KBTBD11: variants seen among roughly 807,000 people sequenced by gnomAD.
The protein encoded by KBTBD11 is kelch repeat and BTB domain-containing protein 11.
For synonymous variants in KBTBD11, 747 were observed against 499.0 expected (o/e 1.50, Z -6.63); for missense variants, 1,390 against 1,001.8 (o/e 1.39, Z -5.23).
chr8:1,984,940 A>G (rs1343543626), intron 1 of KBTBD11, among the ~76,000 whole-genome samples: 1 of 152,212 alleles, frequency 6.6e-6, no homozygotes, highest in African/African-American at 2.4e-5. Context: ...GGTGTTTCAC[A>G]GCCTGAGTCG....
intron 1 of KBTBD11, among the ~76,000 whole-genome samples, chr8:1,989,767 C>G (rs1816840047): frequency 6.6e-6 from 1 of 152,078 alleles, no homozygotes; most frequent in African/African-American, 2.4e-5. Flanking sequence ...CGAACCTGAC[C>G]ACAGAGTCGG....
intron 1 of KBTBD11, among the ~76,000 whole-genome samples, chr8:1,989,879 G>A (rs997772902): frequency 6.8e-6 from 1 of 146,070 alleles, no homozygotes; most frequent in South Asian, 2.2e-4. Context: ...CTGCTAATTT[G>A]TGAGGGCCAG....
In KBTBD11 at chr8:1,973,845, A is replaced by G. The variant is rs1443351863; in HGVS notation, c.-999A>G. ...GGAGAGGCCGGGCCGCGGCTCCCACAGGTGCCGGGAAGCGGCCGCGCGCAT... is the reference window on the plus strand; with the variant it reads ...GGAGAGGCCGGGCCGCGGCTCCCACGGGTGCCGGGAAGCGGCCGCGCGCAT... On this transcript the variant is annotated 5_prime_UTR_variant, in exon 1 of 2. Transcript: ENST00000320248. 7 of 982,504 alleles carry G rather than the reference A, an allele frequency of 7.1e-6. No individual in the cohort carries two copies. The South Asian group carries it at 2.8e-4, about 40-fold the overall frequency. The allele number at this position is 982,504 out of a possible 1,614,324, so 60.9% of individuals were successfully genotyped here. A position where few individuals can be genotyped will look rare whatever the true frequency, so the allele number is the denominator to read the frequency against.
Position 2,003,138 on chromosome 8 carries a change from G to A in KBTBD11, c.*74G>A. On this transcript the variant is annotated 3_prime_UTR_variant, in exon 2 of 2. Transcript: ENST00000320248. ...AGGTCCCTTTGGGCCCGCGGAGGAG[G>A]ACGTGGTGGGGAGTCGGGGCCGCTG... The A allele has an allele frequency of 8.0e-7, 1 of 1,248,810 alleles. No individual in the cohort carries two copies. The highest frequency in any genetic ancestry group is 1.6e-5 in the African/African-American group (1 of 64,350). 77.4% of individuals were successfully genotyped at this position (1,248,810 alleles called of 1,614,324 possible). A position where few individuals can be genotyped will look rare whatever the true frequency, so the allele number is the denominator to read the frequency against.
At chr8:1,984,295 T>G (rs1327649129) in intron 1 of KBTBD11, among the ~76,000 whole-genome samples, 1 of 145,534 alleles carries the variant, frequency 6.9e-6, no homozygotes, top group African/African-American at 2.6e-5. Flanking sequence ...TTTTTTTTTT[T>G]TTTTTTTTTT....
In KBTBD11 at chr8:1,983,437, C is replaced by A. The variant is rs111485522; in HGVS notation, c.-909+9502C>A. 3.0e-4 allele frequency among the ~76,000 whole-genome samples: 46 copies of A among 152,328 alleles called. 1 individual carries two copies. The highest frequency in any genetic ancestry group is 1.1e-3 in the African/African-American group (45 of 41,582). On this transcript the variant is annotated intron_variant, in intron 1 of 1. Coordinates refer to ENST00000320248, the MANE Select transcript of KBTBD11 (RefSeq NM_014867.3). ...CCTGTGCCTGCCACCGCTCCGTGACCTGACCAGGGCGCTGGGGATTGTCTC... is the reference window on the plus strand; with the variant it reads ...CCTGTGCCTGCCACCGCTCCGTGACATGACCAGGGCGCTGGGGATTGTCTC...
chr8:1,974,242 G>A (rs1003848418), intron 1 of KBTBD11: 4 of 954,008 alleles, frequency 4.2e-6, no homozygotes, highest in Admixed American at 1.2e-4. Flanking sequence ...GGGGCGTGGG[G>A]GCCTCCTCGC....
rs190012450 is a variant in KBTBD11 at position 2,003,386 on chromosome 8, G to T, written c.*322G>T. ...GGGTTCCTGAGGCAGCCTGCAGCCG[G>T]CCCCGGGGTGTCCCGAACCCCGCAG... On this transcript the variant is annotated 3_prime_UTR_variant, in exon 2 of 2. Transcript: ENST00000320248. 230 of 262,362 alleles carry T rather than the reference G, an allele frequency of 8.8e-4. No homozygotes were observed. The highest frequency in any genetic ancestry group is 4.4e-3 in the African/African-American group (198 of 44,826). The allele number at this position is 262,362 out of a possible 1,614,324, so 16.3% of individuals were successfully genotyped here.
chr8:1,989,653 G>A (rs2129312176), intron 1 of KBTBD11, among the ~76,000 whole-genome samples: 1 of 152,316 alleles, frequency 6.6e-6, no homozygotes, highest in South Asian at 2.1e-4. Context: ...CAGCTGAGGT[G>A]TCCCCTCTCT....
Position 2,002,450 on chromosome 8 carries a change from G to C in KBTBD11, c.1258G>C (p.Glu420Gln). ...LDGHLYAVGG[E>Q]CLLSVERYDP... ...CGGTCACCTCTACGCCGTGGGCGGCGAGTGCCTGCTCAGCGTGGAGCGCTA... is the reference window on the plus strand; with the variant it reads ...CGGTCACCTCTACGCCGTGGGCGGCCAGTGCCTGCTCAGCGTGGAGCGCTA... The change falls in exon 2 of 2, where the codon GAG (glutamate) becomes CAG (glutamine). Residue 420 changes from glutamate to glutamine, a missense_variant. Coordinates refer to ENST00000320248, the MANE Select transcript of KBTBD11 (RefSeq NM_014867.3). This position sits in a 1 kb window ranked among gnomAD's most constrained non-coding sequence, Gnocchi z 4.1. 4.0e-6 allele frequency: 6 copies of C among 1,506,464 alleles called. No homozygotes were observed. Among genetic ancestry groups the C allele is most frequent in the Non-Finnish European group, 5.3e-6 (6 of 1,135,068 alleles). 93.3% of individuals were successfully genotyped at this position (1,506,464 alleles called of 1,614,324 possible). A position where few individuals can be genotyped will look rare whatever the true frequency, so the allele number is the denominator to read the frequency against.
At chr8:1,974,682 C>T (rs1369176528) in intron 1 of KBTBD11, 2 of 985,336 alleles carry the variant, frequency 2.0e-6, no homozygotes, top group Non-Finnish European at 1.2e-6. Context: ...TGGGGAGACC[C>T]CCGGGCGGTC....
At position 2,001,740 on chromosome 8, in the gene KBTBD11, C is replaced by T. The variant is rs1235226059; in HGVS notation, c.548C>T (p.Ala183Val). 19 of 1,340,660 alleles carry T rather than the reference C, an allele frequency of 1.4e-5. No homozygotes were observed. The highest frequency in any genetic ancestry group is 1.1e-4 in the Admixed American group (3 of 28,032). 83.0% of individuals were successfully genotyped at this position (1,340,660 alleles called of 1,614,324 possible). Residue 183 changes from alanine to valine, a missense_variant, in exon 2 of 2, where the codon GCG becomes GTG. Coordinates refer to ENST00000320248, the MANE Select transcript of KBTBD11 (RefSeq NM_014867.3). ...VLRVQGVSLT[A>V]LRLLLADAYS... The stretch of plus-strand genomic sequence containing the variant: ...CGGGTGCAGGGAGTGAGCCTGACGG[C>T]GCTGCGGCTGCTCCTCGCCGACGCC...
Position 2,002,242 on chromosome 8 carries a change from G to T in KBTBD11, c.1050G>T (p.Arg350=). The T allele has an allele frequency of 1.6e-6, 2 of 1,286,002 alleles. No individual in the cohort carries two copies. Among genetic ancestry groups the T allele is most frequent in the South Asian group, 4.6e-5 (2 of 43,048 alleles). 79.7% of individuals were successfully genotyped at this position (1,286,002 alleles called of 1,614,324 possible). A position where few individuals can be genotyped will look rare whatever the true frequency, so the allele number is the denominator to read the frequency against. ...GGCTGCCCGAGGGCGCGCCGGCGCG[G>T]GGCTGCGGCCTGTGCGTCCTCTACA... ...LTRLPEGAPA[R]GCGLCVLYNY... is the part of the protein sequence containing the mutation. Residue 350 remains arginine, a synonymous_variant, in exon 2 of 2, where the codon CGG becomes CGT. Coordinates refer to ENST00000320248, the MANE Select transcript of KBTBD11 (RefSeq NM_014867.3). This position sits in a 1 kb window ranked among gnomAD's most constrained non-coding sequence, Gnocchi z 4.1.
Position 2,002,047 on chromosome 8 carries a change from GCGC to G in KBTBD11, c.863_865del (p.Arg288del). 1 of 1,224,252 alleles carries G rather than the reference GCGC, an allele frequency of 8.2e-7. No individual in the cohort carries two copies. Among genetic ancestry groups the G allele is most frequent in the South Asian group, 2.3e-5 (1 of 44,224 alleles). 75.8% of individuals were successfully genotyped at this position (1,224,252 alleles called of 1,614,324 possible). A position where few individuals can be genotyped will look rare whatever the true frequency, so the allele number is the denominator to read the frequency against. The stretch of plus-strand genomic sequence containing the variant: ...CGGGCGCAGAGCGGGACCTGCTGCT[GCGC>G]CGCCGCCTGCGCGCCGGCCGCGCCC... On this transcript the variant is annotated inframe_deletion, in exon 2 of 2. Coordinates refer to ENST00000320248, the MANE Select transcript of KBTBD11 (RefSeq NM_014867.3). This position sits in a 1 kb window ranked among gnomAD's most constrained non-coding sequence, Gnocchi z 4.1.
At chr8:1,974,795 A>C in intron 1 of KBTBD11, 1 of 669,542 alleles carries the variant, frequency 1.5e-6, no homozygotes, top group Non-Finnish European at 1.8e-6. Context: ...GTCCTACAAA[A>C]CCACGTTTCC....
At chr8:1,986,913 C>T (rs1457055740) in intron 1 of KBTBD11, among the ~76,000 whole-genome samples, 2 of 149,410 alleles carry the variant, frequency 1.3e-5, no homozygotes, top group Admixed American at 6.7e-5. Context: ...TGCCTCACTC[C>T]TGTAATCTCA....
chr8:2,002,899 C>T lies in KBTBD11; in HGVS notation c.1707C>T (p.Gly569=). ...CCATCTACTGCGTGAGCCGCGCGGGCACCTGGCGCTTCCAGCCTGCCCGGG... is the reference window on the plus strand; with the variant it reads ...CCATCTACTGCGTGAGCCGCGCGGGTACCTGGCGCTTCCAGCCTGCCCGGG... The part of the protein sequence containing the change: ...DGAIYCVSRA[G]TWRFQPAREG... Residue 569 remains glycine, a synonymous_variant, in exon 2 of 2, where the codon GGC becomes GGT. Transcript: ENST00000320248. The surrounding 1 kb of genome is among the most constrained non-coding windows in gnomAD (Gnocchi z 4.1). The T allele has an allele frequency of 3.8e-6, 5 of 1,321,804 alleles. No individual in the cohort carries two copies. The highest frequency in any genetic ancestry group is 3.1e-5 in the African/African-American group (2 of 64,800). The allele number at this position is 1,321,804 out of a possible 1,614,324, so 81.9% of individuals were successfully genotyped here. A position where few individuals can be genotyped will look rare whatever the true frequency, so the allele number is the denominator to read the frequency against.
In KBTBD11 at chr8:2,000,848, C is replaced by A; in HGVS notation, c.-345C>A. 3.8e-6 allele frequency: 1 copy of A among 266,268 alleles called. No individual in the cohort carries two copies. Among genetic ancestry groups the A allele is most frequent in the Non-Finnish European group, 7.1e-6 (1 of 141,522 alleles). 16.5% of individuals were successfully genotyped at this position (266,268 alleles called of 1,614,324 possible). ...CAGAAACAACCGCAGTCAACTGCAG[C>A]TCCAGTCATTGCTGGATGTTGGCTG... On this transcript the variant is annotated 5_prime_UTR_variant, in exon 2 of 2. Transcript: ENST00000320248.
Position 1,973,763 on chromosome 8 carries a change from C to G in KBTBD11, c.-1081C>G, listed in dbSNP as rs1294298353. On this transcript the variant is annotated 5_prime_UTR_variant, in exon 1 of 2. Transcript: ENST00000320248. ...GGCGGAGAGGCCTGTCCACCGCCCC[C>G]TCTGCCGCCCACGCCCCGCTGCGGG... 1.0e-6 allele frequency: 1 copy of G among 983,824 alleles called. No homozygotes were observed. Among genetic ancestry groups the G allele is most frequent in the Non-Finnish European group, 1.2e-6 (1 of 829,332 alleles). 60.9% of individuals were successfully genotyped at this position (983,824 alleles called of 1,614,324 possible). A position where few individuals can be genotyped will look rare whatever the true frequency, so the allele number is the denominator to read the frequency against.
Sources: gnomAD v4.1 joint callset for allele counts (sites outside exome capture counted in the v4.1 genomes callset) on GRCh38, gnomAD v4.1.1 for gene constraint, Gnocchi (gnomAD v3.1) non-coding constraint, MANE v1.5 for transcripts, NCBI Gene and HGNC (gene_info 2026-07-23, HGNC 2026-07-21) for gene names.